The following LDHAL6B variants were observed in gnomAD, a reference collection of about 807,000 sequenced individuals.
LDHAL6B encodes lactate dehydrogenase A like 6B.
For missense variants in LDHAL6B, 523 were observed against 473.9 expected (o/e 1.10, Z -0.96); for synonymous variants, 205 against 170.6 (o/e 1.20, Z -1.57).
chr15:59,207,486 G>T lies in LDHAL6B; in HGVS notation c.546G>T (p.Leu182=). Reference sequence around the variant, plus strand: ...TCCAGTACAGCCCCCACTGCAAACTGATTATTGTTTCCAATCCAGTGGATA... The same window carrying T: ...TCCAGTACAGCCCCCACTGCAAACTTATTATTGTTTCCAATCCAGTGGATA... ...SIVQYSPHCK[L]IIVSNPVDIL... The change falls in exon 1 of 1, where the codon CTG becomes CTT. Residue 182 remains leucine, a synonymous_variant. Transcript: ENST00000307144. 6.2e-7 allele frequency: 1 copy of T among 1,614,046 alleles called. No homozygotes were observed. The highest frequency in any genetic ancestry group is 8.5e-7 in the Non-Finnish European group (1 of 1,179,918).
chr15:59,207,093 G>A lies in LDHAL6B; in HGVS notation c.153G>A (p.Ala51=), dbSNP rs778986327. 7.4e-6 allele frequency: 12 copies of A among 1,614,086 alleles called. No homozygotes were observed. Among genetic ancestry groups the A allele is most frequent in the African/African-American group, 4.0e-5 (3 of 74,944 alleles). ...TWLFTPVSKM[A]TVKSELIERF... is the part of the protein sequence containing the mutation. Reference sequence around the variant, plus strand: ...TCTTCACCCCCGTGAGCAAGATGGCGACTGTGAAGAGTGAGCTTATTGAGC... The same window carrying A: ...TCTTCACCCCCGTGAGCAAGATGGCAACTGTGAAGAGTGAGCTTATTGAGC... Residue 51 remains alanine, a synonymous_variant, in exon 1 of 1, where the codon GCG becomes GCA. Coordinates refer to ENST00000307144, the MANE Select transcript of LDHAL6B (RefSeq NM_033195.3).
In LDHAL6B at chr15:59,207,219, G is replaced by C. The variant is rs1444721266; in HGVS notation, c.279G>C (p.Leu93Phe). Residue 93 changes from leucine to phenylalanine, a missense_variant, in exon 1 of 1, where the codon TTG becomes TTC. Physicochemically the swap from Leu to Phe is conservative, Grantham distance 22 (BLOSUM62 0). Coordinates refer to ENST00000307144, the MANE Select transcript of LDHAL6B (RefSeq NM_033195.3). Reference sequence around the variant, plus strand: ...CTATCAGCATCTTATTAAAAGGCTTGAGTGATGAACTTGCCCTTGTGGATC... The same window carrying C: ...CTATCAGCATCTTATTAAAAGGCTTCAGTGATGAACTTGCCCTTGTGGATC... ...ACAISILLKG[L>F]SDELALVDLD... is the part of the protein sequence containing the mutation. 1.2e-6 allele frequency: 2 copies of C among 1,614,236 alleles called. No homozygotes were observed. The highest frequency in any genetic ancestry group is 2.2e-5 in the East Asian group (1 of 44,892).
chr15:59,207,220 AG>A, the LDHAL6B span: 1 of 1,614,212 alleles, frequency 6.2e-7, no homozygotes, highest in South Asian at 1.1e-5. Flanking sequence ...AAAAGGCTTG[AG>A]TGATGAACTT....
rs569417196 is a variant in LDHAL6B, at chr15:59,207,746, C to A, written c.806C>A (p.Thr269Asn). 5.0e-6 allele frequency: 8 copies of A among 1,614,072 alleles called. No individual in the cohort carries two copies. The Admixed American group carries it at 1.3e-4, about 27-fold the overall frequency. The change falls in exon 1 of 1, where the codon ACT (threonine) becomes AAT (asparagine). Residue 269 changes from threonine (T) to asparagine (N), a missense_variant. By Grantham distance (65) the Thr-to-Asn change is moderately conservative. Coordinates refer to ENST00000307144, the MANE Select transcript of LDHAL6B (RefSeq NM_033195.3). ...AAGGATCTGAACTCTGATATAGGAA[C>A]TGATAAAGATCCTGAGCAATGGAAA... ...PLKDLNSDIG[T>N]DKDPEQWKNV...
rs2079854959 is a variant in LDHAL6B at position 59,208,441 on chromosome 15, C to T, written c.*355C>T. 1 of 602,692 alleles carries T rather than the reference C, an allele frequency of 1.7e-6. No individual in the cohort carries two copies. The highest frequency in any genetic ancestry group is 3.0e-5 in the East Asian group (1 of 33,806). The allele number at this position is 602,692 out of a possible 1,614,324, so 37.3% of individuals were successfully genotyped here. A position where few individuals can be genotyped will look rare whatever the true frequency, so the allele number is the denominator to read the frequency against. The stretch of plus-strand genomic sequence containing the variant: ...TTTCTTTCATTCTTGCTGGTTTATA[C>T]CTATGTTCATTTATATGCTGTAAAA... On this transcript the variant is annotated 3_prime_UTR_variant, in exon 1 of 1. Coordinates refer to ENST00000307144, the MANE Select transcript of LDHAL6B (RefSeq NM_033195.3).
In LDHAL6B at chr15:59,207,170, C is replaced by G. The variant is rs200393440; in HGVS notation, c.230C>G (p.Thr77Ser). 58 of 1,614,114 alleles carry G rather than the reference C, an allele frequency of 3.6e-5. No homozygotes were observed. Among genetic ancestry groups the G allele is most frequent in the Non-Finnish European group, 4.4e-5 (52 of 1,180,040 alleles). ...VHHSKVSIIG[T>S]GSVGMACAIS... is the part of the protein sequence containing the mutation. Reference sequence around the variant, plus strand: ...CACAGTAAGGTCTCCATCATAGGAACTGGATCGGTGGGCATGGCCTGCGCT... The same window carrying G: ...CACAGTAAGGTCTCCATCATAGGAAGTGGATCGGTGGGCATGGCCTGCGCT... The change falls in exon 1 of 1, where the codon ACT becomes AGT. Residue 77 changes from threonine to serine, a missense_variant. Thr to Ser is a moderately conservative substitution (Grantham distance 58). Coordinates refer to ENST00000307144, the MANE Select transcript of LDHAL6B (RefSeq NM_033195.3).
Position 59,207,041 on chromosome 15 carries a change from C to A in LDHAL6B, c.101C>A (p.Thr34Lys), listed in dbSNP as rs200574046. The change falls in exon 1 of 1, where the codon ACG becomes AAG. Residue 34 changes from threonine (T) to lysine (K), a missense_variant. By Grantham distance (78) the Thr-to-Lys change is moderately conservative. Transcript: ENST00000307144. Reference sequence around the variant, plus strand: ...ATGGCCCTGTGTCCGCGTCAAGCAACGCGCATCCCGCTCAACGGCACCTGG... The same window carrying A: ...ATGGCCCTGTGTCCGCGTCAAGCAAAGCGCATCCCGCTCAACGGCACCTGG... ...LGMALCPRQA[T>K]RIPLNGTWLF... 1.1e-5 allele frequency: 18 copies of A among 1,614,080 alleles called. No individual in the cohort carries two copies. The highest frequency in any genetic ancestry group is 1.5e-5 in the Non-Finnish European group (18 of 1,180,022).
chr15:59,207,652 A>T lies in LDHAL6B; in HGVS notation c.712A>T (p.Ile238Phe). 1 of 1,614,156 alleles carries T rather than the reference A, an allele frequency of 6.2e-7. No homozygotes were observed. Among genetic ancestry groups the T allele is most frequent in the Non-Finnish European group, 8.5e-7 (1 of 1,180,004 alleles). ...GIHSESCHGWILGEHGDSSVP... is the reference protein window; with the variant it reads ...GIHSESCHGWFLGEHGDSSVP... ...CCATTCTGAAAGCTGCCATGGATGG[A>T]TCCTCGGAGAGCATGGAGACTCAAG... Residue 238 changes from isoleucine (I) to phenylalanine (F), a missense_variant, in exon 1 of 1, where the codon ATC (isoleucine) becomes TTC (phenylalanine). Physicochemically the swap from Ile to Phe is conservative, Grantham distance 21. Coordinates refer to ENST00000307144, the MANE Select transcript of LDHAL6B (RefSeq NM_033195.3).
In LDHAL6B at chr15:59,208,288, T is replaced by C. The variant is rs764262107; in HGVS notation, c.*202T>C. The C allele has an allele frequency of 8.7e-5, 51 of 587,720 alleles. No individual in the cohort carries two copies. Among genetic ancestry groups the C allele is most frequent in the Middle Eastern group, 4.6e-4 (1 of 2,178 alleles). 36.4% of individuals were successfully genotyped at this position (587,720 alleles called of 1,614,324 possible). A position where few individuals can be genotyped will look rare whatever the true frequency, so the allele number is the denominator to read the frequency against. ...ACTTATTTACAATTCCTAAGTATTT[T>C]TGGTACCTCTGATGTAGCAGCACTT... On this transcript the variant is annotated 3_prime_UTR_variant, in exon 1 of 1. Coordinates refer to ENST00000307144, the MANE Select transcript of LDHAL6B (RefSeq NM_033195.3).
chr15:59,207,110 T>C lies in LDHAL6B; in HGVS notation c.170T>C (p.Leu57Pro), dbSNP rs777185650. The C allele has an allele frequency of 1.5e-5, 24 of 1,614,128 alleles. No homozygotes were observed. The highest frequency in any genetic ancestry group is 3.3e-4 in the Middle Eastern group (2 of 6,084). ...VSKMATVKSE[L>P]IERFTSEKPV... ...AAGATGGCGACTGTGAAGAGTGAGC[T>C]TATTGAGCGTTTCACTTCCGAGAAG... Residue 57 changes from leucine (L) to proline (P), a missense_variant, in exon 1 of 1, where the codon CTT becomes CCT. Leu to Pro is a moderately conservative substitution (Grantham distance 98, BLOSUM62 -3). Coordinates refer to ENST00000307144, the MANE Select transcript of LDHAL6B (RefSeq NM_033195.3).
In LDHAL6B at chr15:59,207,529, T is replaced by G; in HGVS notation, c.589T>G (p.Trp197Gly). The change falls in exon 1 of 1, where the codon TGG becomes GGG. Residue 197 changes from tryptophan to glycine, a missense_variant. Coordinates refer to ENST00000307144, the MANE Select transcript of LDHAL6B (RefSeq NM_033195.3). ...AGTGGATATCTTAACTTATGTAGCT[T>G]GGAAGTTGAGTGCATTTCCCAAAAA... is the stretch of plus-strand genomic sequence containing the variant. ...NPVDILTYVA[W>G]KLSAFPKNRI... 6.2e-7 allele frequency: 1 copy of G among 1,614,076 alleles called. No individual in the cohort carries two copies.
At position 59,207,096 on chromosome 15, in the gene LDHAL6B, T is replaced by C. The variant is rs2079841267; in HGVS notation, c.156T>C (p.Thr52=). ...WLFTPVSKMA[T]VKSELIERFT... is the part of the protein sequence containing the mutation. Reference sequence around the variant, plus strand: ...TCACCCCCGTGAGCAAGATGGCGACTGTGAAGAGTGAGCTTATTGAGCGTT... The same window carrying C: ...TCACCCCCGTGAGCAAGATGGCGACCGTGAAGAGTGAGCTTATTGAGCGTT... Residue 52 remains threonine (T), a synonymous_variant, in exon 1 of 1, where the codon ACT becomes ACC. Transcript: ENST00000307144. The C allele has an allele frequency of 2.5e-6, 4 of 1,614,240 alleles. No individual in the cohort carries two copies. In the East Asian group the frequency reaches 8.9e-5, roughly 36 times the overall value.
chr15:59,206,892 A>T lies in LDHAL6B; in HGVS notation c.-49A>T. The T allele has an allele frequency of 6.4e-7, 1 of 1,567,014 alleles. No individual in the cohort carries two copies. Among genetic ancestry groups the T allele is most frequent in the Non-Finnish European group, 8.7e-7 (1 of 1,154,942 alleles). On this transcript the variant is annotated 5_prime_UTR_variant, in exon 1 of 1. Transcript: ENST00000307144. ...GCTCTCTTGGCGTCTCAACGTTCGG[A>T]TCAGCAGCTTTTTTCCATTCTCTCT...
rs2079847887 is a variant in LDHAL6B, at chr15:59,207,702, C to T, written c.762C>T (p.Asn254=). The part of the protein sequence containing the change: ...DSSVPVWSGV[N]IAGVPLKDLN... The stretch of plus-strand genomic sequence containing the variant: ...GTGTTCCTGTGTGGAGTGGAGTGAA[C>T]ATAGCTGGTGTCCCTTTGAAGGATC... The change falls in exon 1 of 1, where the codon AAC becomes AAT. Residue 254 remains asparagine (N), a synonymous_variant. Coordinates refer to ENST00000307144, the MANE Select transcript of LDHAL6B (RefSeq NM_033195.3). The T allele has an allele frequency of 6.2e-7, 1 of 1,614,004 alleles. No homozygotes were observed. Among genetic ancestry groups the T allele is most frequent in the African/African-American group, 1.3e-5 (1 of 74,890 alleles).
At position 59,208,164 on chromosome 15, in the gene LDHAL6B, T is replaced by C. The variant is rs1370307692; in HGVS notation, c.*78T>C. Reference sequence around the variant, plus strand: ...TTATATAACGAAATTTTGAATAAACTTGAATTCCTAAAAGATGGAAACAGG... The same window carrying C: ...TTATATAACGAAATTTTGAATAAACCTGAATTCCTAAAAGATGGAAACAGG... On this transcript the variant is annotated 3_prime_UTR_variant, in exon 1 of 1. Transcript: ENST00000307144. The C allele has an allele frequency of 1.8e-5, 24 of 1,303,286 alleles. No homozygotes were observed. Among genetic ancestry groups the C allele is most frequent in the East Asian group, 4.8e-5 (2 of 41,960 alleles). 80.7% of individuals were successfully genotyped at this position (1,303,286 alleles called of 1,614,324 possible). A position where few individuals can be genotyped will look rare whatever the true frequency, so the allele number is the denominator to read the frequency against.
In LDHAL6B at chr15:59,208,297, C is replaced by G; in HGVS notation, c.*211C>G. ...CAATTCCTAAGTATTTTTGGTACCT[C>G]TGATGTAGCAGCACTTGCCATGTTA... is the stretch of plus-strand genomic sequence containing the variant. On this transcript the variant is annotated 3_prime_UTR_variant, in exon 1 of 1. Transcript: ENST00000307144. 1 of 578,024 alleles carries G rather than the reference C, an allele frequency of 1.7e-6. No homozygotes were observed. The highest frequency in any genetic ancestry group is 3.0e-6 in the Non-Finnish European group (1 of 328,696). 35.8% of individuals were successfully genotyped at this position (578,024 alleles called of 1,614,324 possible). A position where few individuals can be genotyped will look rare whatever the true frequency, so the allele number is the denominator to read the frequency against.
rs143718171 is a variant in LDHAL6B, at chr15:59,207,106, G to A, written c.166G>A (p.Glu56Lys). 237 of 1,614,244 alleles carry A rather than the reference G, an allele frequency of 1.5e-4. 1 individual carries two copies. In the African/African-American group the frequency reaches 2.5e-3, roughly 17 times the overall value. The change falls in exon 1 of 1, where the codon GAG becomes AAG. Residue 56 changes from glutamate to lysine, a missense_variant. Transcript: ENST00000307144. ...PVSKMATVKS[E>K]LIERFTSEKP... ...GAGCAAGATGGCGACTGTGAAGAGT[G>A]AGCTTATTGAGCGTTTCACTTCCGA...
In LDHAL6B at chr15:59,207,968, T is replaced by A. The variant is rs1566979089; in HGVS notation, c.1028T>A (p.Ile343Asn). ...DEEVFLSIPC[I>N]LGENGITNLI... ...GAAGTATTCCTCAGTATTCCTTGTA[T>A]CCTGGGAGAGAACGGTATTACCAAC... is the stretch of plus-strand genomic sequence containing the variant. The change falls in exon 1 of 1, where the codon ATC becomes AAC. Residue 343 changes from isoleucine to asparagine, a missense_variant. Transcript: ENST00000307144. 1 of 1,614,100 alleles carries A rather than the reference T, an allele frequency of 6.2e-7. No homozygotes were observed. The highest frequency in any genetic ancestry group is 2.2e-5 in the East Asian group (1 of 44,886).
chr15:59,208,577 G>C lies in LDHAL6B; in HGVS notation c.*491G>C, dbSNP rs1001944579. Reference sequence around the variant, plus strand: ...TGATAGTTAATAAATTCCGTTTGTTGAATCAATAAAATACGGCGAGCCATA... The same window carrying C: ...TGATAGTTAATAAATTCCGTTTGTTCAATCAATAAAATACGGCGAGCCATA... On this transcript the variant is annotated 3_prime_UTR_variant, in exon 1 of 1. Coordinates refer to ENST00000307144, the MANE Select transcript of LDHAL6B (RefSeq NM_033195.3). The C allele has an allele frequency of 1.4e-6, 2 of 1,391,670 alleles. No individual in the cohort carries two copies. The highest frequency in any genetic ancestry group is 4.6e-5 in the East Asian group (2 of 43,718). 86.2% of individuals were successfully genotyped at this position (1,391,670 alleles called of 1,614,324 possible).
Sources: gnomAD v4.1 joint callset for allele counts on GRCh38, gnomAD v4.1.1 for gene constraint, MANE v1.5 for transcripts, NCBI Gene and HGNC (gene_info 2026-07-23, HGNC 2026-07-21) for gene names.